LATS1: variants seen among roughly 807,000 people sequenced by gnomAD.
The protein encoded by LATS1 is large tumor suppressor kinase 1.
A neutral mutation model predicts 106.6 loss-of-function variants in LATS1; 25 were observed. That is an observed-to-expected ratio of 0.23 (90% CI 0.17 to 0.33). The LOEUF (loss-of-function observed/expected upper bound fraction) is 0.33, where lower values mean the gene tolerates loss of function less well. Ranked by LOEUF, LATS1 falls within the 10% of genes least tolerant of loss-of-function variation. The pLI, the probability that LATS1 is intolerant of heterozygous loss-of-function variation, is 1.00. For missense variants in LATS1, 1,040 were observed against 1,382.6 expected, an observed-to-expected ratio of 0.75 and a Z score of 3.93; for synonymous variants, 465 against 455.6, an observed-to-expected ratio of 1.02 and a Z score of -0.26.
rs1390558952 is a variant in LATS1, at chr6:149,683,082, C to T, written c.2007G>A (p.Met669Ile). ...TGGACATTTTAAAAGGTTTTACCCGCATCATTTCATTCTCTAATTGTTTTT... is the reference window on the plus strand; with the variant it reads ...TGGACATTTTAAAAGGTTTTACCCGTATCATTTCATTCTCTAATTGTTTTT... ...HRKKQLENEM[M>I]RVGLSQDAQD... Residue 669 changes from methionine (M) to isoleucine (I), a missense_variant, in exon 4 of 8, where the codon ATG becomes ATA. Coordinates refer to ENST00000543571, the MANE Select transcript of LATS1 (RefSeq NM_004690.4). The T allele has an allele frequency of 4.4e-6, 7 of 1,609,136 alleles. No individual in the cohort carries two copies. The highest frequency in any genetic ancestry group is 1.7e-5 in the Admixed American group (1 of 59,656).
At chr6:149,703,888 C>T (rs893759518) in intron 1 of LATS1, among the ~76,000 whole-genome samples, 13 of 152,152 alleles carry the variant, frequency 8.5e-5, no homozygotes, top group African/African-American at 2.4e-4. Context: ...GGCTGTTCCT[C>T]GCAACATCAT....
At position 149,699,687 on chromosome 6, in the gene LATS1, T is replaced by C. The variant is rs145408562; in HGVS notation, c.348+2092A>G. ...AACCAATTATTGTTATTATTACCAA[T>C]AATGAATAGAGCATTGACCAATGCC... On this transcript the variant is annotated intron_variant, in intron 2 of 7. Coordinates refer to ENST00000543571, the MANE Select transcript of LATS1 (RefSeq NM_004690.4). Among the ~76,000 whole-genome samples the C allele has an allele frequency of 5.2e-3, 792 of 152,296 alleles. 4 individuals are homozygous for C. The highest frequency in any genetic ancestry group is 0.011 in the Admixed American group (175 of 15,286).
rs375813893 is a variant in LATS1 at position 149,695,049 on chromosome 6, G to A, written c.496+25C>T. The stretch of plus-strand genomic sequence containing the variant: ...AACTACACAGTAAAAGAAGAGATGA[G>A]AAAATAAAATATTTGATTAATCACC... On this transcript the variant is annotated intron_variant, in intron 3 of 7. Coordinates refer to ENST00000543571, the MANE Select transcript of LATS1 (RefSeq NM_004690.4). The A allele has an allele frequency of 1.7e-5, 27 of 1,554,910 alleles. No homozygotes were observed. The South Asian group carries it at 2.6e-4, about 15-fold the overall frequency.
At chr6:149,673,452 A>G (rs1781550605) in intron 7 of LATS1, among the ~76,000 whole-genome samples, 1 of 151,736 alleles carries the variant, frequency 6.6e-6, no homozygotes. Context: ...AGAACATAGA[A>G]TTGATGAGAA....
intron 7 of LATS1, among the ~76,000 whole-genome samples, chr6:149,668,723 G>A (rs1315514471): frequency 6.6e-6 from 1 of 151,868 alleles, no homozygotes; most frequent in Non-Finnish European, 1.5e-5. Flanking sequence ...GGGATTGCAG[G>A]CATAAGCCAC....
At chr6:149,694,354 C>A (rs1193024666) in intron 3 of LATS1, among the ~76,000 whole-genome samples, 1 of 152,040 alleles carries the variant, frequency 6.6e-6, no homozygotes, top group Non-Finnish European at 1.5e-5. Flanking sequence ...TGTTTTGAGA[C>A]AGGGTCTGGC....
intron 1 of LATS1, among the ~76,000 whole-genome samples, chr6:149,713,944 G>A (rs1184127534): frequency 6.6e-6 from 1 of 151,918 alleles, no homozygotes. Context: ...ATATAGGCAT[G>A]AACCACTGCG....
In LATS1 at chr6:149,683,272, T is replaced by C. The variant is rs1582874675; in HGVS notation, c.1817A>G (p.Glu606Gly). Residue 606 changes from glutamate to glycine, a missense_variant, in exon 4 of 8, where the codon GAA becomes GGA. Transcript: ENST00000543571. The stretch of plus-strand genomic sequence containing the variant: ...AGGTGAAGTTGTAATCTGTTTCTTT[T>C]CTTTATCCCCACTATCAACATTTTC... ...SYENVDSGDK[E>G]KKQITTSPIT... The C allele has an allele frequency of 1.9e-5, 30 of 1,614,086 alleles. No homozygotes were observed. The East Asian group carries it at 6.5e-4, about 35-fold the overall frequency.
rs563781870 is a variant in LATS1 at position 149,665,185 on chromosome 6, A to G, written c.2884-2947T>C. Among the ~76,000 whole-genome samples, 13 of 152,224 alleles carry G rather than the reference A, an allele frequency of 8.5e-5. No individual in the cohort carries two copies. The South Asian group carries it at 2.7e-3, about 32-fold the overall frequency. ...GAGACCAGCTTGGCCAAAATGGTGA[A>G]GCCCCGTCTCTATTAAAATACAAAA... is the stretch of plus-strand genomic sequence containing the variant. On this transcript the variant is annotated intron_variant, in intron 7 of 7. Transcript: ENST00000543571.
chr6:149,690,642 G>A (rs1431015396), intron 3 of LATS1, among the ~76,000 whole-genome samples: 1 of 151,910 alleles, frequency 6.6e-6, no homozygotes, highest in African/African-American at 2.4e-5. Context: ...AACTTTCTGG[G>A]TACAAGCAAT....
At chr6:149,663,076 G>A (rs1358356427) in intron 7 of LATS1, among the ~76,000 whole-genome samples, 5 of 151,968 alleles carry the variant, frequency 3.3e-5, no homozygotes, top group South Asian at 4.2e-4. Context: ...AGTCTCTCCC[G>A]CTGAACTCTT....
At position 149,660,427 on chromosome 6, in the gene LATS1, T is replaced by C. The variant is rs578188206; in HGVS notation, c.*1302A>G. 6 of 233,092 alleles carry C rather than the reference T, an allele frequency of 2.6e-5. No homozygotes were observed. The South Asian group carries it at 1.1e-3, about 42-fold the overall frequency. The allele number at this position is 233,092 out of a possible 1,614,324, so 14.4% of individuals were successfully genotyped here. On this transcript the variant is annotated 3_prime_UTR_variant, in exon 8 of 8. Transcript: ENST00000543571. ...GCTAAAAGTATGAAAATCACTAAAA[T>C]TATGCCTCCAATCTACAAATAGTAA... is the stretch of plus-strand genomic sequence containing the variant.
rs551291418 is a variant in LATS1, at chr6:149,660,394, C to A, written c.*1335G>T. 396 of 232,562 alleles carry A rather than the reference C, an allele frequency of 1.7e-3. 1 individual carries two copies. The highest frequency in any genetic ancestry group is 2.9e-3 in the Non-Finnish European group (341 of 117,740). 14.4% of individuals were successfully genotyped at this position (232,562 alleles called of 1,614,324 possible). A position where few individuals can be genotyped will look rare whatever the true frequency, so the allele number is the denominator to read the frequency against. Reference sequence around the variant, plus strand: ...TATACGGTTTCAATTAGCTTTTATGCGAAGAAAGCTAAAAGTATGAAAATC... The same window carrying A: ...TATACGGTTTCAATTAGCTTTTATGAGAAGAAAGCTAAAAGTATGAAAATC... On this transcript the variant is annotated 3_prime_UTR_variant, in exon 8 of 8. Transcript: ENST00000543571.
chr6:149,688,340 G>A (rs969850462), intron 3 of LATS1, among the ~76,000 whole-genome samples: 8 of 151,422 alleles, frequency 5.3e-5, no homozygotes, highest in African/African-American at 1.2e-4. Flanking sequence ...TGGAGTCTTC[G>A]CTTTGTCACC....
Position 149,658,208 on chromosome 6 carries a change from A to G in LATS1, c.*3521T>C, listed in dbSNP as rs939552724. On this transcript the variant is annotated 3_prime_UTR_variant, in exon 8 of 8. Coordinates refer to ENST00000543571, the MANE Select transcript of LATS1 (RefSeq NM_004690.4). ...AGCAAACATTACACTAGAGAAAATG[A>G]TTGGGAAAATACAAATAAGTTCATT... The G allele has an allele frequency of 2.6e-5, 4 of 152,196 alleles. No homozygotes were observed. The East Asian group carries it at 7.7e-4, about 29-fold the overall frequency. The allele number at this position is 152,196 out of a possible 1,614,324, so 9.4% of individuals were successfully genotyped here. A position where few individuals can be genotyped will look rare whatever the true frequency, so the allele number is the denominator to read the frequency against.
chr6:149,704,113 C>T (rs750379798), intron 1 of LATS1, among the ~76,000 whole-genome samples: 4 of 152,214 alleles, frequency 2.6e-5, no homozygotes, highest in Admixed American at 2.6e-4. Flanking sequence ...AAGTGATTCT[C>T]CTGCCTCAGC....
chr6:149,697,167 GCTA>G (rs757697028), intron 2 of LATS1: 1 of 1,338,236 alleles, frequency 7.5e-7, no homozygotes, highest in Non-Finnish European at 9.9e-7. Context: ...GGGTGAACAG[GCTA>G]CTGACAGATG....
chr6:149,682,896 A>C lies in LATS1; in HGVS notation c.2010+183T>G, dbSNP rs2114811968. The C allele has an allele frequency of 5.2e-6, 3 of 578,544 alleles. No homozygotes were observed. In the Admixed American group the frequency reaches 1.1e-4, roughly 21 times the overall value. The allele number at this position is 578,544 out of a possible 1,614,324, so 35.8% of individuals were successfully genotyped here. Reference sequence around the variant, plus strand: ...ATAGGAAATTCTGAATAAATATTGAAATACTAAAATAAAATGCTACAATCA... The same window carrying C: ...ATAGGAAATTCTGAATAAATATTGACATACTAAAATAAAATGCTACAATCA... On this transcript the variant is annotated intron_variant, in intron 4 of 7. Coordinates refer to ENST00000543571, the MANE Select transcript of LATS1 (RefSeq NM_004690.4).
rs1371414303 is a variant in LATS1 at position 149,695,161 on chromosome 6, A to G, written c.409T>C (p.Phe137Leu). 6.2e-7 allele frequency: 1 copy of G among 1,610,732 alleles called. No homozygotes were observed. The highest frequency in any genetic ancestry group is 1.1e-5 in the South Asian group (1 of 90,962). Residue 137 changes from phenylalanine (F) to leucine (L), a missense_variant, in exon 3 of 8, where the codon TTC becomes CTC. Phe to Leu is a conservative substitution (Grantham distance 22). Around this residue, in one of 7 missense-constraint regions of LATS1, gnomAD observed 624 missense variants for 714.8 expected, o/e 0.87. Transcript: ENST00000543571. ...NNRSIEAAIE[F>L]ISKMSYQDPR... is the part of the protein sequence containing the mutation. ...TCTTGGTAACTCATTTTACTAATGA[A>G]TTCAATTGCTGCTTCTATACTTCTG... is the stretch of plus-strand genomic sequence containing the variant.
Sources: gnomAD v4.1 joint callset for allele counts (sites outside exome capture counted in the v4.1 genomes callset) on GRCh38, gnomAD v4.1.1 for gene constraint, gnomAD v4.1.1 regional missense constraint, MANE v1.5 for transcripts, NCBI Gene and HGNC (gene_info 2026-07-23, HGNC 2026-07-21) for gene names.